The following LRP1B variants were observed in gnomAD, a reference collection of about 807,000 sequenced individuals.
LRP1B encodes LDL receptor related protein 1B.
In LRP1B, 217 loss-of-function variants were observed where a neutral mutation model predicts 556.6. That is an observed-to-expected ratio of 0.39 (90% confidence interval 0.35 to 0.44). The LOEUF (loss-of-function observed/expected upper bound fraction) is 0.44. Among genes scored for constraint, LRP1B ranks in the 20% least tolerant of loss-of-function variants. The pLI is 1.00. For synonymous variants in LRP1B, 2,047 were observed against 1,865.8 expected, an observed-to-expected ratio of 1.10 and a Z score of -2.50; for missense variants, 5,053 against 5,620.8, an observed-to-expected ratio of 0.90 and a Z score of 3.23.
intron 41 of LRP1B, among the ~76,000 whole-genome samples, chr2:140,664,693 T>TAACA (rs1685208532): frequency 6.6e-6 from 1 of 152,046 alleles, no homozygotes; most frequent in South Asian, 2.1e-4. Context: ...GTTTGTCCAA[T>TAACA]AACATACTAT....
chr2:141,856,099 A>G (rs913223189), intron 1 of LRP1B, among the ~76,000 whole-genome samples: 1 of 152,166 alleles, frequency 6.6e-6, no homozygotes, highest in East Asian at 1.9e-4. Flanking sequence ...GGCAAATACC[A>G]TATATAAAAA....
At chr2:140,303,344 T>G (rs1683924694) in intron 83 of LRP1B, among the ~76,000 whole-genome samples, 1 of 151,916 alleles carries the variant, frequency 6.6e-6, no homozygotes, top group Admixed American at 6.6e-5. Context: ...GCCTCCCGGG[T>G]TCACGCAATT....
intron 59 of LRP1B, among the ~76,000 whole-genome samples, chr2:140,478,869 CTAT>C (rs1031511874): frequency 4.0e-5 from 6 of 151,794 alleles, no homozygotes; most frequent in Non-Finnish European, 8.8e-5. Flanking sequence ...CAAATATTAG[CTAT>C]TATTATTTTA....
intron 23 of LRP1B, among the ~76,000 whole-genome samples, chr2:140,896,128 G>A (rs958831858): frequency 1.3e-5 from 2 of 151,256 alleles, no homozygotes; most frequent in Admixed American, 6.6e-5. Flanking sequence ...TATTTTAGGT[G>A]GTCCTAAAAG....
chr2:141,015,332 A>G (rs1250592232), intron 13 of LRP1B, among the ~76,000 whole-genome samples: 2 of 152,130 alleles, frequency 1.3e-5, no homozygotes, highest in African/African-American at 4.8e-5. Flanking sequence ...ACTTCCTCGT[A>G]ATACATAATG....
chr2:141,356,400 A>G (rs953848825), intron 3 of LRP1B, among the ~76,000 whole-genome samples: 6 of 152,120 alleles, frequency 3.9e-5, no homozygotes, highest in African/African-American at 1.2e-4. Flanking sequence ...CAATAATATG[A>G]TAACTCAGGT....
chr2:141,017,358 T>C (rs1697930648), intron 12 of LRP1B, among the ~76,000 whole-genome samples: 1 of 150,726 alleles, frequency 6.6e-6, no homozygotes, highest in African/African-American at 2.4e-5. Context: ...TGTTCATTTA[T>C]AACATTAATA....
At chr2:141,681,394 C>T (rs1425261472) in intron 2 of LRP1B, among the ~76,000 whole-genome samples, 1 of 151,862 alleles carries the variant, frequency 6.6e-6, no homozygotes, top group Non-Finnish European at 1.5e-5. Flanking sequence ...AATATGAGAA[C>T]CTGGCTAACA....
chr2:141,742,414 G>A (rs752347769), intron 2 of LRP1B, among the ~76,000 whole-genome samples: 39 of 151,900 alleles, frequency 2.6e-4, no homozygotes, highest in Middle Eastern at 6.8e-3. Context: ...ACCATGCCCC[G>A]CTAATTTTTT....
At chr2:140,885,263 A>G (rs1693599172) in intron 24 of LRP1B, among the ~76,000 whole-genome samples, 1 of 152,262 alleles carries the variant, frequency 6.6e-6, no homozygotes, top group Non-Finnish European at 1.5e-5. Context: ...GTGATTTACA[A>G]TGGAATTAAC....
At chr2:141,953,706 T>C (rs1701172714) in intron 1 of LRP1B, among the ~76,000 whole-genome samples, 1 of 152,088 alleles carries the variant, frequency 6.6e-6, no homozygotes, top group Non-Finnish European at 1.5e-5. Context: ...CAAATTTCTT[T>C]TGGAGTTCCT....
At chr2:141,861,619 A>T (rs370259858) in intron 1 of LRP1B, among the ~76,000 whole-genome samples, 1 of 152,026 alleles carries the variant, frequency 6.6e-6, no homozygotes, top group African/African-American at 2.4e-5. Context: ...AAATGTATAA[A>T]CTCTTTCCAT....
Position 140,868,130 on chromosome 2 carries a change from A to T in LRP1B, c.4303T>A (p.Phe1435Ile), listed in dbSNP as rs2105156009. The T allele has an allele frequency of 6.2e-7, 1 of 1,608,100 alleles. No homozygotes were observed. Among genetic ancestry groups the T allele is most frequent in the Non-Finnish European group, 8.5e-7 (1 of 1,177,674 alleles). The change falls in exon 26 of 91, where the codon TTT becomes ATT. Residue 1435 changes from phenylalanine (F) to isoleucine (I), a missense_variant. By Grantham distance (21) the Phe-to-Ile change is conservative. This residue lies in a region of LRP1B where 3,619 missense variants were observed against 3,931.9 expected (regional missense o/e 0.92). Transcript: ENST00000389484. ...AWPNGLTVDH[F>I]EKRIVWTDAR... The stretch of plus-strand genomic sequence containing the variant: ...TCTGTCCACACTATCCTTTTCTCAA[A>T]GTGGTCCACAGTTAGTCCATTAGGC...
intron 37 of LRP1B, among the ~76,000 whole-genome samples, chr2:140,714,073 T>G (rs564480008): frequency 6.6e-6 from 1 of 152,186 alleles, no homozygotes; most frequent in Non-Finnish European, 1.5e-5. Context: ...AGTGACACTA[T>G]TCCTTTAACT....
chr2:141,467,139 T>TAG (rs1270493835), intron 3 of LRP1B, among the ~76,000 whole-genome samples: 3 of 65,674 alleles, frequency 4.6e-5, no homozygotes, highest in African/African-American at 1.6e-4. Context: ...TATATATATA[T>TAG]ATATATATAT....
chr2:141,767,481 C>T (rs1216421754), intron 2 of LRP1B, among the ~76,000 whole-genome samples: 4 of 152,128 alleles, frequency 2.6e-5, no homozygotes, highest in African/African-American at 7.2e-5. Context: ...TTTTTATCTT[C>T]TCTTAGGACT....
At chr2:140,813,122 T>G (rs1423668259) in intron 32 of LRP1B, among the ~76,000 whole-genome samples, 1 of 152,072 alleles carries the variant, frequency 6.6e-6, no homozygotes, top group East Asian at 1.9e-4. Context: ...ACCTAGCACC[T>G]TTTTTTCCCT....
At chr2:141,443,049 G>A (rs10199499) in intron 3 of LRP1B, among the ~76,000 whole-genome samples, 30,181 of 152,068 alleles carry the variant, frequency 0.2, 3,677 homozygotes, top group East Asian at 0.45. Flanking sequence ...CCCACCAACC[G>A]TGTAAAAGTG....
At chr2:140,696,318 G>A (rs1164284388) in intron 41 of LRP1B, among the ~76,000 whole-genome samples, 2 of 152,050 alleles carry the variant, frequency 1.3e-5, no homozygotes, top group Non-Finnish European at 2.9e-5. Context: ...CTTTCAGAGA[G>A]GATTGCAATG....
Sources: allele counts gnomAD v4.1 joint callset (sites outside exome capture counted in the v4.1 genomes callset), GRCh38; gene constraint gnomAD v4.1.1; regional missense constraint gnomAD v4.1.1; transcripts MANE v1.5; gene names NCBI Gene and HGNC (gene_info 2026-07-23, HGNC 2026-07-21).